RPRD1B: variants seen among roughly 807,000 people sequenced by gnomAD.
RPRD1B encodes the protein regulation of nuclear pre-mRNA domain-containing protein 1B.
A neutral mutation model predicts 41.5 loss-of-function variants in RPRD1B; 11 were observed. That is an observed-to-expected ratio of 0.27 (90% CI 0.17 to 0.44). The LOEUF is 0.44. RPRD1B is among the 20% of genes least tolerant of loss of function. The probability of loss-of-function intolerance (pLI) is 1.00; values close to 1 mark genes in which losing one functional copy is unlikely to be tolerated. For synonymous variants in RPRD1B, 158 were observed against 155.6 expected, an observed-to-expected ratio of 1.02 and a Z score of -0.12; for missense variants, 248 against 389.9, an observed-to-expected ratio of 0.64 and a Z score of 3.06.
intron 5 of RPRD1B, among the ~76,000 whole-genome samples, chr20:38,059,975 A>G (rs2074281689): frequency 6.6e-6 from 1 of 152,174 alleles, no homozygotes; most frequent in Admixed American, 6.5e-5. Context: ...TGTCTGTTAG[A>G]CATGTCATTT....
chr20:38,088,111 T>C (rs938627868), intron 6 of RPRD1B, among the ~76,000 whole-genome samples: 1 of 152,216 alleles, frequency 6.6e-6, no homozygotes, highest in Non-Finnish European at 1.5e-5. Flanking sequence ...CTTTGTAGAC[T>C]GTGTGAGGAG....
At chr20:38,039,735 CT>C (rs11316507) in intron 1 of RPRD1B, among the ~76,000 whole-genome samples, 36,426 of 136,470 alleles carry the variant, frequency 0.27, 5,962 homozygotes, top group African/African-American at 0.51. Context: ...CTAACTCAGT[CT>C]TTTTTTTTTT....
intron 1 of RPRD1B, among the ~76,000 whole-genome samples, chr20:38,039,789 A>T (rs188082336): frequency 6.7e-6 from 1 of 149,500 alleles, no homozygotes; most frequent in Non-Finnish European, 1.5e-5. Context: ...GCTGGAGTAC[A>T]GTAGTGCAAT....
At chr20:38,076,355 T>C (rs2074459541) in intron 6 of RPRD1B, among the ~76,000 whole-genome samples, 1 of 152,222 alleles carries the variant, frequency 6.6e-6, no homozygotes. Context: ...CCTTAACTAA[T>C]CTGAAGTTGT....
rs772339926 is a variant in RPRD1B at position 38,090,412 on chromosome 20, C to A, written c.*537C>A. On this transcript the variant is annotated 3_prime_UTR_variant, in exon 7 of 7. Transcript: ENST00000373433. ...ATAAAGAGTTTGCCAAATCTCTGAT[C>A]CTCCCTTTCCATTGCTTCTCCTAGT... is the stretch of plus-strand genomic sequence containing the variant. 2 of 985,966 alleles carry A rather than the reference C, an allele frequency of 2.0e-6. No homozygotes were observed. The highest frequency in any genetic ancestry group is 6.1e-5 in the Admixed American group (1 of 16,292). 61.1% of individuals were successfully genotyped at this position (985,966 alleles called of 1,614,324 possible). A position where few individuals can be genotyped will look rare whatever the true frequency, so the allele number is the denominator to read the frequency against.
intron 1 of RPRD1B, among the ~76,000 whole-genome samples, chr20:38,036,758 C>T (rs2074007814): frequency 6.6e-6 from 1 of 152,186 alleles, no homozygotes; most frequent in South Asian, 2.1e-4. Context: ...CTGTGCCATC[C>T]AACAGGTAGC....
chr20:38,040,410 A>C, intron 1 of RPRD1B, 25 bp from the exon 2 acceptor site: 2 of 1,562,712 alleles, frequency 1.3e-6, no homozygotes, highest in East Asian at 4.5e-5. Context: ...GTGTAAGTTA[A>C]ATTCTTTTCT....
chr20:38,069,162 C>T (rs991735088), intron 6 of RPRD1B, among the ~76,000 whole-genome samples: 2 of 152,022 alleles, frequency 1.3e-5, no homozygotes, highest in African/African-American at 4.8e-5. Flanking sequence ...TTTTCTCTTT[C>T]ACTTGGGAAT....
chr20:38,080,234 T>C (rs548965797), intron 6 of RPRD1B, among the ~76,000 whole-genome samples: 13 of 152,226 alleles, frequency 8.5e-5, no homozygotes, highest in Non-Finnish European at 1.3e-4. Flanking sequence ...GATTTTACTT[T>C]TCAGTTTGTT....
At chr20:38,082,249 G>T (rs2074519438) in intron 6 of RPRD1B, among the ~76,000 whole-genome samples, 3 of 152,110 alleles carry the variant, frequency 2.0e-5, no homozygotes, top group Admixed American at 2.0e-4. Context: ...TCGTTAATAG[G>T]TCTGTCCAGG....
In RPRD1B at chr20:38,065,967, A is replaced by G. The variant is rs922817116; in HGVS notation, c.656-114A>G. ...ATTGTTTGTCCACAGGTGCTGGCTT[A>G]TTCTCAGACTCTGTATATTGGGAGA... On this transcript the variant is annotated intron_variant, in intron 5 of 6. Coordinates refer to ENST00000373433, the MANE Select transcript of RPRD1B (RefSeq NM_021215.4). 6.9e-6 allele frequency: 7 copies of G among 1,021,242 alleles called. No homozygotes were observed. In the South Asian group the frequency reaches 7.9e-5, roughly 12 times the overall value. 63.3% of individuals were successfully genotyped at this position (1,021,242 alleles called of 1,614,324 possible).
Position 38,091,595 on chromosome 20 carries a change from A to G in RPRD1B, c.*1720A>G. 3.0e-6 allele frequency: 3 copies of G among 985,404 alleles called. No homozygotes were observed. Among genetic ancestry groups the G allele is most frequent in the South Asian group, 9.4e-5 (2 of 21,290 alleles). 61.0% of individuals were successfully genotyped at this position (985,404 alleles called of 1,614,324 possible). On this transcript the variant is annotated 3_prime_UTR_variant, in exon 7 of 7. Transcript: ENST00000373433. ...GTGACATCACTAAAATTGCAAGATAAATTGTAATCTTTGCTGCTGCTGCAC... is the reference window on the plus strand; with the variant it reads ...GTGACATCACTAAAATTGCAAGATAGATTGTAATCTTTGCTGCTGCTGCAC...
chr20:38,071,672 C>G (rs2074414751), intron 6 of RPRD1B, among the ~76,000 whole-genome samples: 1 of 152,182 alleles, frequency 6.6e-6, no homozygotes, highest in Non-Finnish European at 1.5e-5. Flanking sequence ...TGCGTGGGTT[C>G]CAGTTTCTCC....
At chr20:38,035,527 C>T (rs1600671940) in intron 1 of RPRD1B, among the ~76,000 whole-genome samples, 1 of 152,134 alleles carries the variant, frequency 6.6e-6, no homozygotes, top group Non-Finnish European at 1.5e-5. Context: ...CAGTTCTAGC[C>T]CTTTAGCAGG....
At chr20:38,088,988 A>G (rs565813436) in intron 6 of RPRD1B, among the ~76,000 whole-genome samples, 162 of 152,272 alleles carry the variant, frequency 1.1e-3, no homozygotes, top group African/African-American at 3.9e-3. Context: ...CACACAGACA[A>G]AGAGGGTTAG....
At chr20:38,073,823 C>T (rs921602213) in intron 6 of RPRD1B, among the ~76,000 whole-genome samples, 4 of 152,136 alleles carry the variant, frequency 2.6e-5, no homozygotes, top group African/African-American at 9.7e-5. Flanking sequence ...ACAGAGGAAG[C>T]CAGTGAGGAC....
chr20:38,042,170 G>A (rs1175946493), intron 2 of RPRD1B, among the ~76,000 whole-genome samples: 2 of 152,184 alleles, frequency 1.3e-5, no homozygotes, highest in African/African-American at 4.8e-5. Flanking sequence ...GGGCAGCATA[G>A]TGAGACCCTG....
intron 6 of RPRD1B, among the ~76,000 whole-genome samples, chr20:38,073,474 A>T (rs1285628644): frequency 1.3e-5 from 2 of 152,162 alleles, no homozygotes; most frequent in East Asian, 3.9e-4. Context: ...ACATTGCCTT[A>T]TGACTCTTCA....
intron 1 of RPRD1B, 84 bp downstream of exon 1, chr20:38,034,182 A>G (rs1023145580): frequency 3.2e-5 from 45 of 1,422,084 alleles, no homozygotes; most frequent in Non-Finnish European, 4.1e-5. Flanking sequence ...AAGCCTCTTC[A>G]TTGAGCCTTG....
Sources: gnomAD v4.1 joint callset for allele counts (sites outside exome capture counted in the v4.1 genomes callset) on GRCh38, gnomAD v4.1.1 for gene constraint, MANE v1.5 for transcripts, NCBI Gene and HGNC (gene_info 2026-07-23, HGNC 2026-07-21) for gene names.